Variants in MTHFD2L observed in about 807,000 individuals in gnomAD.
MTHFD2L encodes methylenetetrahydrofolate dehydrogenase (NADP+ dependent) 2 like.
Under a neutral mutation model 34.9 loss-of-function variants are expected in MTHFD2L, and 29 were observed. The observed-to-expected ratio is 0.83, with a 90% CI of 0.62 to 1.13. MTHFD2L has a LOEUF of 1.13. Ranked by LOEUF, MTHFD2L falls within the 50% of genes most tolerant of loss-of-function variation. The pLI, the probability that MTHFD2L is intolerant of heterozygous loss-of-function variation, is 0.00. For missense variants in MTHFD2L, 481 were observed against 446.5 expected (o/e 1.08, Z -0.70); for synonymous variants, 167 against 155.7 (o/e 1.07, Z -0.54).
In MTHFD2L at chr4:74,193,597, T is replaced by G. The variant is rs116323511; in HGVS notation, c.452-6197T>G. Among the ~76,000 whole-genome samples, 1,171 of 152,314 alleles carry G rather than the reference T, an allele frequency of 7.7e-3. 12 individuals are homozygous for G. Among genetic ancestry groups the G allele is most frequent in the African/African-American group, 0.027 (1,126 of 41,572 alleles). On this transcript the variant is annotated intron_variant, in intron 3 of 7. Transcript: ENST00000325278. ...TATGCCTTTTATTTATTTACGTCAT[T>G]TGTCAGCAGTCTTTTGTAGTTCTTA...
chr4:74,174,801 T>C (rs1006702830), intron 2 of MTHFD2L, 111 bp downstream of exon 2: 3 of 728,236 alleles, frequency 4.1e-6, no homozygotes, highest in African/African-American at 3.7e-5. Flanking sequence ...GAATTGCATG[T>C]ATTATTATTA....
At chr4:74,288,310 A>G (rs1404876880) in intron 7 of MTHFD2L, 3 of 152,168 alleles carry the variant, frequency 2.0e-5, no homozygotes, top group Non-Finnish European at 4.4e-5. Context: ...GGAAAAGTGA[A>G]AGAGAGAGCC....
chr4:74,186,345 C>G (rs1032082009), intron 3 of MTHFD2L, among the ~76,000 whole-genome samples: 5 of 144,436 alleles, frequency 3.5e-5, no homozygotes, highest in African/African-American at 1.0e-4. Flanking sequence ...ATTACCATGT[C>G]TATTTAACAT....
chr4:74,298,279 A>T (rs1292547281), intron 7 of MTHFD2L, among the ~76,000 whole-genome samples: 1 of 152,074 alleles, frequency 6.6e-6, no homozygotes. Flanking sequence ...CTAAATGTTT[A>T]TTAATGTTCA....
rs796624598 is a variant in MTHFD2L at position 74,173,261 on chromosome 4, T to C, written c.144-1245T>C. Among the ~76,000 whole-genome samples the C allele has an allele frequency of 1.1e-4, 17 of 152,316 alleles. 1 individual carries two copies. Among genetic ancestry groups the C allele is most frequent in the African/African-American group, 3.6e-4 (15 of 41,582 alleles). ...TTCACCACTTTCAAGTTTGAGGTCA[T>C]GGAGAGCAGAAAAGCCTTTCTAGAA... is the stretch of plus-strand genomic sequence containing the variant. On this transcript the variant is annotated intron_variant, in intron 1 of 7. Transcript: ENST00000325278.
At chr4:74,197,269 C>T (rs558929162) in intron 3 of MTHFD2L, among the ~76,000 whole-genome samples, 1 of 152,222 alleles carries the variant, frequency 6.6e-6, no homozygotes, top group East Asian at 1.9e-4. Flanking sequence ...ATTGTTTTTT[C>T]TGTTCAAGTT....
chr4:74,161,181 A>G (rs1161285411), intron 1 of MTHFD2L: 4 of 152,220 alleles, frequency 2.6e-5, no homozygotes, highest in African/African-American at 9.6e-5. Flanking sequence ...AAAAAAATCT[A>G]CATTTTTGGA....
rs568387621 is a variant in MTHFD2L at position 74,189,967 on chromosome 4, A to G, written c.452-9827A>G. ...TCATCATTCATTTACCAGGTCAACG[A>G]ATATTTACCTAGAATTTATGTAACT... is the stretch of plus-strand genomic sequence containing the variant. On this transcript the variant is annotated intron_variant, in intron 3 of 7. Transcript: ENST00000325278. 1.1e-4 allele frequency among the ~76,000 whole-genome samples: 16 copies of G among 152,256 alleles called. No individual in the cohort carries two copies. In the South Asian group the frequency reaches 3.1e-3, roughly 30 times the overall value.
intron 6 of MTHFD2L, among the ~76,000 whole-genome samples, chr4:74,272,268 G>C (rs183047802): frequency 1.3e-5 from 2 of 152,236 alleles, no homozygotes; most frequent in Admixed American, 1.3e-4. Context: ...TTCTAAGCCT[G>C]GACATAAGGA....
At chr4:74,207,662 T>C (rs940927997) in intron 5 of MTHFD2L, among the ~76,000 whole-genome samples, 1 of 152,102 alleles carries the variant, frequency 6.6e-6, no homozygotes, top group Non-Finnish European at 1.5e-5. Flanking sequence ...GTATCTCAGG[T>C]AGTTTTTCTT....
rs568138153 is a variant in MTHFD2L, at chr4:74,132,287, C to T, written c.-297+6770C>T. ...TCATTCTACTATAATCACACATGCACAGGTATGTTTCTTGCAGCACTATAG... is the reference window on the plus strand; with the variant it reads ...TCATTCTACTATAATCACACATGCATAGGTATGTTTCTTGCAGCACTATAG... On this transcript the variant is annotated intron_variant, in intron 1 of 7. Coordinates refer to the MTHFD2L transcript ENST00000433372. 3.3e-5 allele frequency among the ~76,000 whole-genome samples: 5 copies of T among 152,246 alleles called. No homozygotes were observed. The East Asian group carries it at 5.8e-4, about 18-fold the overall frequency.
rs559383061 is a variant in MTHFD2L at position 74,128,150 on chromosome 4, T to C, written c.-297+2633T>C. 4.6e-5 allele frequency among the ~76,000 whole-genome samples: 7 copies of C among 152,236 alleles called. No individual in the cohort carries two copies. In the South Asian group the frequency reaches 1.2e-3, roughly 27 times the overall value. On this transcript the variant is annotated intron_variant, in intron 1 of 7. Coordinates refer to the MTHFD2L transcript ENST00000433372. ...GCTCCTTATATATTCTTGTTACTAATACTTGTGAAATGGATAGTTTATAAA... is the reference window on the plus strand; with the variant it reads ...GCTCCTTATATATTCTTGTTACTAACACTTGTGAAATGGATAGTTTATAAA...
At chr4:74,216,763 T>A in intron 5 of MTHFD2L, among the ~76,000 whole-genome samples, 1 of 151,926 alleles carries the variant, frequency 6.6e-6, no homozygotes, top group African/African-American at 2.4e-5. Context: ...ACATCCTTTG[T>A]CTAATATTAG....
intron 7 of MTHFD2L, among the ~76,000 whole-genome samples, chr4:74,291,540 T>C (rs1748959987): frequency 6.6e-6 from 1 of 152,222 alleles, no homozygotes; most frequent in Non-Finnish European, 1.5e-5. Context: ...ATCCATTGAT[T>C]CTTCGTTTAT....
At chr4:74,238,529 G>A (rs1446663910) in intron 6 of MTHFD2L, among the ~76,000 whole-genome samples, 1 of 152,162 alleles carries the variant, frequency 6.6e-6, no homozygotes, top group Non-Finnish European at 1.5e-5. Context: ...CACAGCGAAA[G>A]ACACTGTCAT....
rs1270838359 is a variant in MTHFD2L at position 74,232,463 on chromosome 4, A to AC, written c.805+7071dup. On this transcript the variant is annotated intron_variant, in intron 6 of 7. Transcript: ENST00000325278. ...CTCTCTGTTTCTACCTCATCTTCCC[A>AC]CCTCAGGCTATTCTGGCCCTCACAA... 4.0e-5 allele frequency among the ~76,000 whole-genome samples: 6 copies of AC among 151,868 alleles called. No homozygotes were observed. The East Asian group carries it at 1.2e-3, about 29-fold the overall frequency.
At chr4:74,121,949 T>A (rs1367869211), upstream of MTHFD2L, among the ~76,000 whole-genome samples, 4 of 151,996 alleles carry the variant, frequency 2.6e-5, no homozygotes, top group South Asian at 8.3e-4. Flanking sequence ...CAGAAAAATA[T>A]CAAACCTGTT....
intron 1 of MTHFD2L, among the ~76,000 whole-genome samples, chr4:74,143,189 G>A (rs1258786186): frequency 1.3e-5 from 2 of 151,716 alleles, no homozygotes; most frequent in African/African-American, 2.4e-5. Context: ...ACAGTAAGTT[G>A]GGAAAGAATG....
At chr4:74,163,576 CA>C (rs1340695935) in intron 1 of MTHFD2L, among the ~76,000 whole-genome samples, 2 of 152,132 alleles carry the variant, frequency 1.3e-5, no homozygotes, top group African/African-American at 4.8e-5. Flanking sequence ...AAAATTACTT[CA>C]AGATGTGAAT....
Sources: allele counts gnomAD v4.1 joint callset (sites outside exome capture counted in the v4.1 genomes callset), GRCh38; gene constraint gnomAD v4.1.1; transcripts MANE v1.5; gene names NCBI Gene and HGNC (gene_info 2026-07-23, HGNC 2026-07-21).